The following ME3 variants were observed in gnomAD, a reference collection of about 807,000 sequenced individuals.
ME3 encodes malic enzyme 3.
In ME3, 48 loss-of-function variants were observed where a neutral mutation model predicts 68.9. The observed-to-expected ratio is 0.70, with a 90% confidence interval of 0.55 to 0.89. The LOEUF is 0.89. ME3 is among the 40% of genes least tolerant of loss of function. ME3 has a pLI of 0.00. For missense variants in ME3, 675 were observed against 797.4 expected, an observed-to-expected ratio of 0.85 and a Z score of 1.85; for synonymous variants, 320 against 318.8, an observed-to-expected ratio of 1.00 and a Z score of -0.04.
At chr11:86,514,742 A>ATTTG (rs2139138784) in intron 4 of ME3, among the ~76,000 whole-genome samples, 1 of 152,314 alleles carries the variant, frequency 6.6e-6, no homozygotes, top group East Asian at 1.9e-4. Context: ...CCATACACTT[A>ATTTG]TTTGTTACAA....
At chr11:86,540,418 C>T (rs1214823987) in intron 4 of ME3, among the ~76,000 whole-genome samples, 1 of 152,144 alleles carries the variant, frequency 6.6e-6, no homozygotes, top group Admixed American at 6.5e-5. Flanking sequence ...CTCTGGGTCT[C>T]TTCTTTGGCC....
At chr11:86,602,806 A>G (rs560596009) in intron 2 of ME3, among the ~76,000 whole-genome samples, 1 of 152,334 alleles carries the variant, frequency 6.6e-6, no homozygotes, top group East Asian at 1.9e-4. Flanking sequence ...CATATCTACA[A>G]CTATCTGATC....
chr11:86,519,570 C>T (rs7122928), intron 4 of ME3, among the ~76,000 whole-genome samples: 59,722 of 152,070 alleles, frequency 0.39, 11,941 homozygotes, highest in South Asian at 0.5. Flanking sequence ...AGGCAAACCC[C>T]TGCAGCTGGG....
chr11:86,447,611 T>TG (rs1366589352), intron 11 of ME3, among the ~76,000 whole-genome samples: 1 of 151,794 alleles, frequency 6.6e-6, no homozygotes, highest in African/African-American at 2.4e-5. Context: ...TTTGGGAGGC[T>TG]GGGGGGCAGT....
intron 4 of ME3, among the ~76,000 whole-genome samples, chr11:86,516,143 G>A (rs765496620): frequency 2.2e-4 from 33 of 152,016 alleles, no homozygotes; most frequent in Non-Finnish European, 2.4e-4. Context: ...AACTGGAACA[G>A]GACAAAAACA....
intron 8 of ME3, chr11:86,457,638 A>G: frequency 1.6e-6 from 2 of 1,278,288 alleles, no homozygotes; most frequent in Non-Finnish European, 2.0e-6. Context: ...TTAAAACTGG[A>G]AAGGAAGCTA....
intron 6 of ME3, among the ~76,000 whole-genome samples, chr11:86,496,420 GAAAA>G (rs1952338953): frequency 6.6e-6 from 1 of 151,704 alleles, no homozygotes; most frequent in Non-Finnish European, 1.5e-5. Flanking sequence ...GAAAAGAAAA[GAAAA>G]GAAAAGAAAA....
chr11:86,622,295 C>T (rs1943396185), intron 2 of ME3, among the ~76,000 whole-genome samples: 1 of 151,988 alleles, frequency 6.6e-6, no homozygotes, highest in Admixed American at 6.6e-5. Context: ...CATTTTACGC[C>T]TCCCTATCAA....
At chr11:86,615,967 A>C (rs1824228260) in intron 2 of ME3, among the ~76,000 whole-genome samples, 1 of 152,252 alleles carries the variant, frequency 6.6e-6, no homozygotes, top group African/African-American at 2.4e-5. Flanking sequence ...GATAAGCAGA[A>C]GGAAGTAAAA....
chr11:86,659,756 A>T (rs1946155120), intron 2 of ME3, among the ~76,000 whole-genome samples: 1 of 152,174 alleles, frequency 6.6e-6, no homozygotes, highest in African/African-American at 2.4e-5. Context: ...CATGGTAGAC[A>T]TTCTCTTAAC....
intron 7 of ME3, 40 bp from the exon 8 acceptor site, chr11:86,465,240 T>A: frequency 1.7e-5 from 25 of 1,438,396 alleles, no homozygotes; most frequent in Non-Finnish European, 2.4e-5. Flanking sequence ...ATTGCCTCTC[T>A]GAGGCAGATC....
chr11:86,575,748 G>A (rs145423509), intron 2 of ME3, among the ~76,000 whole-genome samples: 2 of 152,276 alleles, frequency 1.3e-5, no homozygotes, highest in African/African-American at 2.4e-5. Flanking sequence ...TGTTCTCCCC[G>A]AAGACAGGGC....
intron 2 of ME3, among the ~76,000 whole-genome samples, chr11:86,599,092 C>G (rs753054615): frequency 4.5e-4 from 68 of 152,148 alleles, no homozygotes; most frequent in Non-Finnish European, 9.0e-4. Context: ...CGGAACAAAG[C>G]TGGACGGAGA....
At chr11:86,624,837 T>C (rs1320204466) in intron 2 of ME3, among the ~76,000 whole-genome samples, 2 of 152,218 alleles carry the variant, frequency 1.3e-5, no homozygotes, top group African/African-American at 4.8e-5. Flanking sequence ...GGGTCTCATG[T>C]ACCATTGTCA....
chr11:86,598,890 C>T (rs185523750), intron 2 of ME3, among the ~76,000 whole-genome samples: 73 of 152,310 alleles, frequency 4.8e-4, no homozygotes, highest in African/African-American at 1.7e-3. Flanking sequence ...AGGTGAGGGT[C>T]CTGTCTGTTA....
intron 4 of ME3, among the ~76,000 whole-genome samples, chr11:86,536,044 A>G (rs1021087248): frequency 6.6e-6 from 1 of 152,126 alleles, no homozygotes; most frequent in African/African-American, 2.4e-5. Flanking sequence ...AGAAACTCCA[A>G]CCCTAGATTC....
intron 2 of ME3, among the ~76,000 whole-genome samples, chr11:86,624,918 G>A (rs1254876106): frequency 6.6e-6 from 1 of 152,182 alleles, no homozygotes; most frequent in Non-Finnish European, 1.5e-5. Flanking sequence ...GTAGCATGTG[G>A]AGCCCTGCAA....
intron 2 of ME3, among the ~76,000 whole-genome samples, chr11:86,601,033 A>G (rs985983049): frequency 4.6e-5 from 7 of 152,106 alleles, no homozygotes; most frequent in Admixed American, 2.0e-4. Context: ...TAACATCACA[A>G]TGAAAAGAAC....
At chr11:86,475,570 A>C (rs1334684281) in intron 7 of ME3, among the ~76,000 whole-genome samples, 2 of 152,120 alleles carry the variant, frequency 1.3e-5, no homozygotes, top group Non-Finnish European at 2.9e-5. Context: ...CCTGAATGAA[A>C]ATTTGGAGGA....
Sources: gnomAD v4.1 joint callset for allele counts (sites outside exome capture counted in the v4.1 genomes callset) on GRCh38, gnomAD v4.1.1 for gene constraint, MANE v1.5 for transcripts, NCBI Gene and HGNC (gene_info 2026-07-23, HGNC 2026-07-21) for gene names.